The following ADARB2 variants were observed in gnomAD, a reference collection of about 807,000 sequenced individuals.
ADARB2 encodes inactive double-stranded RNA-specific editase B2.
Under a neutral mutation model 62.2 loss-of-function variants are expected in ADARB2, and 25 were observed. That is an observed-to-expected ratio of 0.40 (90% CI 0.29 to 0.56). The LOEUF (loss-of-function observed/expected upper bound fraction) is 0.56, where lower values mean the gene tolerates loss of function less well. ADARB2 is among the 20% of genes least tolerant of loss of function. ADARB2 has a pLI of 0.43. For missense variants in ADARB2, 1,071 were observed against 1,077.4 expected (o/e 0.99, Z 0.08); for synonymous variants, 572 against 500.8 (o/e 1.14, Z -1.90).
intron 1 of ADARB2, among the ~76,000 whole-genome samples, chr10:1,734,402 T>C (rs1317333950): frequency 6.6e-6 from 1 of 151,840 alleles, no homozygotes; most frequent in African/African-American, 2.4e-5. Flanking sequence ...CTATGGATTA[T>C]ACTTAATGAA....
At chr10:1,244,436 C>A (rs143573279) in intron 4 of ADARB2, among the ~76,000 whole-genome samples, 1 of 152,218 alleles carries the variant, frequency 6.6e-6, no homozygotes, top group East Asian at 1.9e-4. Context: ...CCGGCCTGCT[C>A]CTTCTCTTTG....
chr10:1,560,108 A>G (rs1832767223), intron 1 of ADARB2, among the ~76,000 whole-genome samples: 1 of 152,196 alleles, frequency 6.6e-6, no homozygotes. Flanking sequence ...AAATCCTAAG[A>G]TTCCCAGACT....
Position 1,364,717 on chromosome 10 carries a change from G to T in ADARB2, c.188-800C>A, listed in dbSNP as rs959987590. Among the ~76,000 whole-genome samples the T allele has an allele frequency of 2.6e-5, 4 of 152,278 alleles. No individual in the cohort carries two copies. The South Asian group carries it at 6.2e-4, about 24-fold the overall frequency. On this transcript the variant is annotated intron_variant, in intron 2 of 9. Transcript: ENST00000381312. ...TAGGCAGTATGCGTCATCCAGAGAT[G>T]ATTTAAAGTACAGGCATGCCTCCTT...
At chr10:1,709,712 T>G (rs978349807) in intron 1 of ADARB2, among the ~76,000 whole-genome samples, 15 of 152,140 alleles carry the variant, frequency 9.9e-5, no homozygotes, top group African/African-American at 3.6e-4. Context: ...TTCCCATGCT[T>G]TCTCTCTGTA....
chr10:1,669,217 C>T (rs1403484058), intron 1 of ADARB2, among the ~76,000 whole-genome samples: 3 of 152,162 alleles, frequency 2.0e-5, no homozygotes, highest in East Asian at 1.9e-4. Flanking sequence ...CTCAGCTCCA[C>T]GAAGAGCTGT....
At chr10:1,483,389 G>A (rs1197770514) in intron 1 of ADARB2, among the ~76,000 whole-genome samples, 1 of 152,230 alleles carries the variant, frequency 6.6e-6, no homozygotes, top group East Asian at 1.9e-4. Context: ...GGTGTAAGAA[G>A]TCACAGAATC....
intron 1 of ADARB2, among the ~76,000 whole-genome samples, chr10:1,410,528 A>G (rs573152862): frequency 4.6e-5 from 7 of 152,340 alleles, no homozygotes; most frequent in Admixed American, 1.3e-4. Flanking sequence ...AGAGATGTCA[A>G]TTAAATCTAA....
At chr10:1,552,269 G>A (rs1832635805) in intron 1 of ADARB2, among the ~76,000 whole-genome samples, 1 of 152,250 alleles carries the variant, frequency 6.6e-6, no homozygotes, top group South Asian at 2.1e-4. Context: ...CCTGTGCCGT[G>A]TAAGTGGATA....
At chr10:1,381,560 G>A (rs1021432641) in intron 1 of ADARB2, among the ~76,000 whole-genome samples, 2 of 152,164 alleles carry the variant, frequency 1.3e-5, no homozygotes, top group East Asian at 1.9e-4. Flanking sequence ...CGGCAGCATC[G>A]TGCACCAGAG....
chr10:1,718,784 C>T (rs1170643900), intron 1 of ADARB2, among the ~76,000 whole-genome samples: 1 of 152,182 alleles, frequency 6.6e-6, no homozygotes, highest in Non-Finnish European at 1.5e-5. Flanking sequence ...CAGGCTCTGG[C>T]TTCCAGCTCC....
At chr10:1,187,991 A>G (rs138565651) in intron 8 of ADARB2, 44 of 198,262 alleles carry the variant, frequency 2.2e-4, no homozygotes, top group African/African-American at 9.6e-4. Context: ...ACTGTTTAAC[A>G]TAGAAAGTGG....
At position 1,180,010 on chromosome 10, in the gene ADARB2, G is replaced by A. The variant is rs1042654337; in HGVS notation, c.*3183C>T. 7.9e-5 allele frequency: 12 copies of A among 152,188 alleles called. No homozygotes were observed. The highest frequency in any genetic ancestry group is 2.9e-4 in the African/African-American group (12 of 41,396). 9.4% of individuals were successfully genotyped at this position (152,188 alleles called of 1,614,324 possible). On this transcript the variant is annotated 3_prime_UTR_variant, in exon 10 of 10. Coordinates refer to ENST00000381312, the MANE Select transcript of ADARB2 (RefSeq NM_018702.4). ...CTTGTGTCTTGCCCCCTCACTTGGA[G>A]GGGAATGGGTGGCCACTCTTAAGAC...
At chr10:1,643,330 C>G (rs913165589) in intron 1 of ADARB2, among the ~76,000 whole-genome samples, 6 of 152,218 alleles carry the variant, frequency 3.9e-5, no homozygotes, top group African/African-American at 1.2e-4. Context: ...AACTTAGCCA[C>G]CTGCAGATGG....
At chr10:1,644,735 A>T (rs1834018193) in intron 1 of ADARB2, among the ~76,000 whole-genome samples, 1 of 152,240 alleles carries the variant, frequency 6.6e-6, no homozygotes, top group Non-Finnish European at 1.5e-5. Context: ...ACTTGTAAGG[A>T]GGGTGGGAAG....
intron 1 of ADARB2, among the ~76,000 whole-genome samples, chr10:1,655,441 G>A (rs562932738): frequency 2.3e-4 from 35 of 152,252 alleles, no homozygotes; most frequent in African/African-American, 8.2e-4. Context: ...AAGGCTTGTC[G>A]GGTCCATCAG....
At chr10:1,644,768 C>A (rs143418809) in intron 1 of ADARB2, among the ~76,000 whole-genome samples, 2 of 152,194 alleles carry the variant, frequency 1.3e-5, no homozygotes, top group Admixed American at 1.3e-4. Flanking sequence ...CTTTTCTGAC[C>A]GAATGAGAGA....
intron 4 of ADARB2, among the ~76,000 whole-genome samples, chr10:1,245,986 C>G (rs1037948108): frequency 1.3e-5 from 2 of 151,680 alleles, no homozygotes; most frequent in Non-Finnish European, 2.9e-5. Flanking sequence ...TCTCCACATC[C>G]TCTCCAGCAC....
At chr10:1,307,592 A>G (rs1380451221) in intron 3 of ADARB2, among the ~76,000 whole-genome samples, 1 of 143,434 alleles carries the variant, frequency 7.0e-6, no homozygotes, top group African/African-American at 2.6e-5. Context: ...ATATACCCAA[A>G]GGACTATAAA....
intron 1 of ADARB2, among the ~76,000 whole-genome samples, chr10:1,633,552 CT>C (rs1833870511): frequency 4.2e-4 from 25 of 59,228 alleles, no homozygotes; most frequent in African/African-American, 1.8e-3. Context: ...TATCTATCAT[CT>C]ATCTATCTAT....
Sources: gnomAD v4.1 joint callset for allele counts (sites outside exome capture counted in the v4.1 genomes callset) on GRCh38, gnomAD v4.1.1 for gene constraint, MANE v1.5 for transcripts, NCBI Gene and HGNC (gene_info 2026-07-23, HGNC 2026-07-21) for gene names.